The following HPS3 variants were observed in gnomAD, a reference collection of about 807,000 sequenced individuals.
The protein encoded by HPS3 is BLOC-2 complex member HPS3.
Under a neutral mutation model 110.9 loss-of-function variants are expected in HPS3, and 79 were observed. That is an observed-to-expected ratio of 0.71 (90% CI 0.59 to 0.86). HPS3 has a LOEUF of 0.86. Among genes scored for constraint, HPS3 ranks in the 40% least tolerant of loss-of-function variants. The pLI, the probability that HPS3 is intolerant of heterozygous loss-of-function variation, is 0.00. For missense variants in HPS3, 1,197 were observed against 1,206.2 expected, an observed-to-expected ratio of 0.99 and a Z score of 0.11; for synonymous variants, 428 against 451.0, an observed-to-expected ratio of 0.95 and a Z score of 0.65.
chr3:149,141,531 G>GGT, intron 4 of HPS3, 151 bp downstream of exon 4: 2 of 380,804 alleles, frequency 5.3e-6, no homozygotes, highest in Non-Finnish European at 9.3e-6. Flanking sequence ...TTTTTTTTTT[G>GGT]TTTTTTTTTT....
chr3:149,151,807 TATC>T (rs1221331071), intron 6 of HPS3, among the ~76,000 whole-genome samples: 1 of 152,164 alleles, frequency 6.6e-6, no homozygotes, highest in Non-Finnish European at 1.5e-5. Context: ...GCTCCCAAAT[TATC>T]ATGCTCTGTG....
chr3:149,158,628 A>AT (rs1417542483), intron 9 of HPS3, 38 bp from the exon 10 acceptor site: 1 of 1,587,264 alleles, frequency 6.3e-7, no homozygotes, highest in East Asian at 2.2e-5. Flanking sequence ...TCTTTAAAAA[A>AT]GTGACAAATT....
At chr3:149,143,497 C>G (rs576939744) in intron 4 of HPS3, among the ~76,000 whole-genome samples, 1 of 152,292 alleles carries the variant, frequency 6.6e-6, no homozygotes, top group South Asian at 2.1e-4. Flanking sequence ...AATGAAGGCT[C>G]TGTGAAAGCA....
chr3:149,140,501 A>G lies in HPS3; in HGVS notation c.712+3A>G. On this transcript the variant is annotated splice_donor_region_variant and intron_variant, in intron 2 of 16. Coordinates refer to ENST00000296051, the MANE Select transcript of HPS3 (RefSeq NM_032383.5). ...TCGAATAAGACGGACAGAAGAAGGT[A>G]AATAATGAATTTGACTTGCTTTCTT... The G allele has an allele frequency of 3.7e-6, 6 of 1,614,108 alleles. No individual in the cohort carries two copies. The highest frequency in any genetic ancestry group is 5.1e-6 in the Non-Finnish European group (6 of 1,179,984).
At chr3:149,157,654 C>A in intron 9 of HPS3, 123 bp downstream of exon 9, 2 of 879,800 alleles carry the variant, frequency 2.3e-6, no homozygotes, top group Non-Finnish European at 1.8e-6. Context: ...TTCCCTTCTT[C>A]CACAAGCATT....
At chr3:149,152,352 A>G (rs1014603711) in intron 6 of HPS3, among the ~76,000 whole-genome samples, 6 of 152,204 alleles carry the variant, frequency 3.9e-5, no homozygotes, top group African/African-American at 1.4e-4. Flanking sequence ...TACCTTTGGA[A>G]AAAAAATAAT....
chr3:149,167,920 G>A lies in HPS3; in HGVS notation c.2824G>A (p.Glu942Lys), dbSNP rs1373124710. 1 of 1,607,626 alleles carries A rather than the reference G, an allele frequency of 6.2e-7. No homozygotes were observed. The highest frequency in any genetic ancestry group is 1.7e-5 in the Admixed American group (1 of 59,994). ...RTLWWKKLLP[E>K]LCQRIKCGGE... ...TCTGTGGTGGAAAAAACTGTTGCCT[G>A]AACTTTGTCAGAGAATAAAATGTGG... Residue 942 changes from glutamate to lysine, a missense_variant, in exon 16 of 17, where the codon GAA becomes AAA. Coordinates refer to ENST00000296051, the MANE Select transcript of HPS3 (RefSeq NM_032383.5).
At position 149,157,449 on chromosome 3, in the gene HPS3, A is replaced by C; in HGVS notation, c.1609A>C (p.Ser537Arg). ...AGTGCGAGCTGCCCTGATGGATGCC[A>C]GTCAGCTGGAACCTGGAGAGAAGGC... ...LLVRAALMDA[S>R]QLEPGEKAEL... Residue 537 changes from serine to arginine, a missense_variant, in exon 9 of 17, where the codon AGT becomes CGT. Physicochemically the swap from Ser to Arg is moderately radical, Grantham distance 110. Transcript: ENST00000296051. 6.2e-7 allele frequency: 1 copy of C among 1,613,930 alleles called. No individual in the cohort carries two copies. The highest frequency in any genetic ancestry group is 8.5e-7 in the Non-Finnish European group (1 of 1,179,874).
At position 149,167,995 on chromosome 3, in the gene HPS3, T is replaced by A. The variant is rs951761745; in HGVS notation, c.2887+12T>A. 5 of 1,391,724 alleles carry A rather than the reference T, an allele frequency of 3.6e-6. No individual in the cohort carries two copies. Among genetic ancestry groups the A allele is most frequent in the Non-Finnish European group, 4.1e-6 (4 of 978,344 alleles). The allele number at this position is 1,391,724 out of a possible 1,614,324, so 86.2% of individuals were successfully genotyped here. On this transcript the variant is annotated intron_variant, in intron 16 of 16. Transcript: ENST00000296051. ...GTCATCATTAAAAGGTAAAATGATT[T>A]TTTTTTTGCTTGATTATAAACTTAA... is the stretch of plus-strand genomic sequence containing the variant.
chr3:149,130,472 GC>G, intron 1 of HPS3: 1 of 155,492 alleles, frequency 6.4e-6, no homozygotes, highest in Non-Finnish European at 1.4e-5. Context: ...AACTCAGACT[GC>G]CCCCCTCTCT....
chr3:149,135,498 C>A (rs1344116620), intron 1 of HPS3, among the ~76,000 whole-genome samples: 1 of 152,138 alleles, frequency 6.6e-6, no homozygotes, highest in African/African-American at 2.4e-5. Context: ...TATTTTCTGT[C>A]CTGCCGCCCT....
In HPS3 at chr3:149,163,906, C is replaced by T. The variant is rs371304067; in HGVS notation, c.2546C>T (p.Ser849Phe). 38 of 1,579,606 alleles carry T rather than the reference C, an allele frequency of 2.4e-5. No individual in the cohort carries two copies. The highest frequency in any genetic ancestry group is 5.0e-5 in the Admixed American group (3 of 59,892). Residue 849 changes from serine to phenylalanine, a missense_variant, in exon 14 of 17, where the codon TCT becomes TTT. By Grantham distance (155) the Ser-to-Phe change is radical. Transcript: ENST00000296051. The part of the protein sequence containing the change: ...PWVHVVISSD[S>F]LADKNYTEDL... ...GTTCACGTCGTAATATCATCTGATT[C>T]TTTAGCTGATAAAAATTATACAGAA...
rs756491989 is a variant in HPS3, at chr3:149,141,197, G to A, written c.884+9G>A. 4.7e-6 allele frequency: 6 copies of A among 1,288,026 alleles called. No individual in the cohort carries two copies. In the East Asian group the frequency reaches 1.3e-4, roughly 27 times the overall value. 79.8% of individuals were successfully genotyped at this position (1,288,026 alleles called of 1,614,324 possible). ...CAGCACCTGCTCTATAGGTATTATA[G>A]TGCTTTTTTTTTTTTTACCAGCATT... On this transcript the variant is annotated intron_variant, in intron 3 of 16. Transcript: ENST00000296051.
At chr3:149,139,445 C>T (rs778414891) in intron 1 of HPS3, among the ~76,000 whole-genome samples, 11 of 152,144 alleles carry the variant, frequency 7.2e-5, no homozygotes, top group Admixed American at 2.6e-4. Flanking sequence ...CTCTTTACCA[C>T]GTTACCATTT....
rs745457191 is a variant in HPS3, at chr3:149,162,247, ACT to A, written c.2208_2209del (p.Gln737AlafsTer20). The A allele has an allele frequency of 2.5e-6, 4 of 1,613,994 alleles. No homozygotes were observed. In the East Asian group the frequency reaches 6.7e-5, roughly 27 times the overall value. On this transcript the variant is annotated frameshift_variant, in exon 12 of 17. Coordinates refer to ENST00000296051, the MANE Select transcript of HPS3 (RefSeq NM_032383.5). LOFTEE classifies it high-confidence loss of function. ...PTELALHLKE[T>X]QPGLLVASVL... Reference sequence around the variant, plus strand: ...CGAGCTTGCACTTCACTTGAAGGAAACTCAGCCTGGATTGCTTGTGGCTTCAG... The same window carrying A: ...CGAGCTTGCACTTCACTTGAAGGAAACAGCCTGGATTGCTTGTGGCTTCAG...
chr3:149,153,637 C>T lies in HPS3; in HGVS notation c.1389C>T (p.Pro463=). The T allele has an allele frequency of 6.2e-7, 1 of 1,614,168 alleles. No homozygotes were observed. The highest frequency in any genetic ancestry group is 8.5e-7 in the Non-Finnish European group (1 of 1,180,002). Residue 463 remains proline (P), a synonymous_variant, in exon 7 of 17, where the codon CCC becomes CCT. Transcript: ENST00000296051. ...CCATTCCAGAGAGAAGACAGTCACC[C>T]AAGAGGCTTCTGTAAGCATCCCCTT... ...PEAIPERRQS[P]KRLLSRKDTS... is the part of the protein sequence containing the mutation.
At chr3:149,141,406 A>T (rs200702850) in intron 4 of HPS3, 26 bp downstream of exon 4, 7 of 1,563,304 alleles carry the variant, frequency 4.5e-6, no homozygotes, top group Non-Finnish European at 6.2e-6. Flanking sequence ...CAGGAGTGCG[A>T]CAGTGCAGCA....
chr3:149,145,322 T>G, intron 4 of HPS3, 32 bp from the exon 5 acceptor site: 2 of 1,483,198 alleles, frequency 1.3e-6, no homozygotes, highest in Non-Finnish European at 1.9e-6. Context: ...ACTGGTTTCA[T>G]GGTGTTTTAT....
chr3:149,163,205 G>A (rs1724062980), intron 13 of HPS3, among the ~76,000 whole-genome samples: 1 of 152,192 alleles, frequency 6.6e-6, no homozygotes, highest in South Asian at 2.1e-4. Flanking sequence ...TCATTAAGTG[G>A]AACATAAGAG....
Sources: allele counts gnomAD v4.1 joint callset (sites outside exome capture counted in the v4.1 genomes callset), GRCh38; gene constraint gnomAD v4.1.1; transcripts MANE v1.5; gene names NCBI Gene and HGNC (gene_info 2026-07-23, HGNC 2026-07-21).